STXBP5: variants seen among roughly 807,000 people sequenced by gnomAD.
STXBP5 encodes syntaxin-binding protein 5.
A neutral mutation model predicts 152.4 loss-of-function variants in STXBP5; 50 were observed. The ratio of observed to expected loss-of-function variants is 0.33; its 90% CI spans 0.26 to 0.42. The LOEUF is 0.42. Among genes scored for constraint, STXBP5 ranks in the 10% least tolerant of loss-of-function variants. The probability of loss-of-function intolerance (pLI) is 1.00; values close to 1 mark genes in which losing one functional copy is unlikely to be tolerated. For missense variants in STXBP5, 1,167 were observed against 1,388.6 expected (o/e 0.84, Z 2.54); for synonymous variants, 492 against 494.7 (o/e 0.99, Z 0.07).
At chr6:147,315,131 A>G (rs1203060619) in intron 14 of STXBP5, among the ~76,000 whole-genome samples, 3 of 152,166 alleles carry the variant, frequency 2.0e-5, no homozygotes, top group African/African-American at 4.8e-5. Context: ...TCATGTAGGA[A>G]TGTTTAATTA....
intron 7 of STXBP5, among the ~76,000 whole-genome samples, chr6:147,273,655 T>TAA (rs200986120): frequency 6.6e-6 from 1 of 151,852 alleles, no homozygotes; most frequent in African/African-American, 2.4e-5. Context: ...AGAAGCCTTT[T>TAA]AAAAAAAACG....
At chr6:147,267,926 C>G (rs1431470943) in intron 7 of STXBP5, among the ~76,000 whole-genome samples, 2 of 152,128 alleles carry the variant, frequency 1.3e-5, no homozygotes, top group Non-Finnish European at 2.9e-5. Context: ...CTTTCCTTCT[C>G]TACTTATTAT....
chr6:147,328,215 T>G (rs1783372217), intron 18 of STXBP5, among the ~76,000 whole-genome samples: 1 of 152,248 alleles, frequency 6.6e-6, no homozygotes, highest in African/African-American at 2.4e-5. Flanking sequence ...ATTTGATATA[T>G]GGCACACAGG....
At chr6:147,258,208 T>C (rs770125069) in intron 4 of STXBP5, among the ~76,000 whole-genome samples, 3 of 152,212 alleles carry the variant, frequency 2.0e-5, no homozygotes, top group Non-Finnish European at 4.4e-5. Flanking sequence ...ATCTGAAATC[T>C]TCTACGTTTG....
Position 147,204,501 on chromosome 6 carries a change from CTCCCGG to C in STXBP5, c.-31_-26del, listed in dbSNP as rs764358492. 1.3e-4 allele frequency: 206 copies of C among 1,607,970 alleles called. No individual in the cohort carries two copies. In the African/African-American group the frequency reaches 2.5e-3, roughly 20 times the overall value. The stretch of plus-strand genomic sequence containing the variant: ...CGCCCGGGGACCCCCTGTGCCTCCC[CTCCCGG>C]GCTGCGGGGGAGCCCCTCCGAGACC... On this transcript the variant is annotated 5_prime_UTR_variant, in exon 1 of 28. Transcript: ENST00000321680. The surrounding 1 kb of genome is among the most constrained non-coding windows in gnomAD (Gnocchi z 4.3).
chr6:147,328,101 T>G (rs1783363084), intron 18 of STXBP5, among the ~76,000 whole-genome samples: 1 of 152,240 alleles, frequency 6.6e-6, no homozygotes, highest in African/African-American at 2.4e-5. Flanking sequence ...AGTCTTAATT[T>G]TAAATGTTCT....
chr6:147,250,738 A>G (rs1196899221), intron 4 of STXBP5, among the ~76,000 whole-genome samples: 3 of 152,148 alleles, frequency 2.0e-5, no homozygotes, highest in Non-Finnish European at 2.9e-5. Context: ...TGTTGGATGT[A>G]TCATGACAGT....
At chr6:147,310,032 A>G in intron 9 of STXBP5, 52 bp from the exon 10 acceptor site, 2 of 1,276,104 alleles carry the variant, frequency 1.6e-6, no homozygotes, top group South Asian at 2.1e-5. Flanking sequence ...ATGTAGCAAG[A>G]AAATTATCTT....
At chr6:147,369,830 TGG>T (rs1191876489) in intron 25 of STXBP5, among the ~76,000 whole-genome samples, 1 of 152,044 alleles carries the variant, frequency 6.6e-6, no homozygotes, top group African/African-American at 2.4e-5. Context: ...ACAATGCTGA[TGG>T]GAATGTAAAA....
Position 147,210,375 on chromosome 6 carries a change from T to C in STXBP5, c.248+4307T>C, listed in dbSNP as rs9485152. On this transcript the variant is annotated intron_variant, in intron 2 of 27. Coordinates refer to ENST00000321680, the MANE Select transcript of STXBP5 (RefSeq NM_001127715.4). The stretch of plus-strand genomic sequence containing the variant: ...CTTATTTTAGTGTGAGAATTTGATA[T>C]ACTTTCACTGTTTTGTTTTGGTTTT... 7.5e-3 allele frequency among the ~76,000 whole-genome samples: 1,147 copies of C among 152,338 alleles called. 16 individuals are homozygous for C. Among genetic ancestry groups the C allele is most frequent in the African/African-American group, 0.025 (1,052 of 41,574 alleles).
chr6:147,369,892 A>G lies in STXBP5; in HGVS notation c.3082-3839A>G, dbSNP rs536625236. ...TTCTGGAGTTTTCTAAAAAGTTAAC[A>G]TTCATGAACCAAAGACCCAGCCACT... On this transcript the variant is annotated intron_variant, in intron 25 of 27. Transcript: ENST00000321680. Among the ~76,000 whole-genome samples, 119 of 152,162 alleles carry G rather than the reference A, an allele frequency of 7.8e-4. 1 individual carries two copies. The highest frequency in any genetic ancestry group is 1.5e-3 in the Non-Finnish European group (103 of 67,900).
At chr6:147,326,452 T>TC (rs1783262357) in intron 17 of STXBP5, among the ~76,000 whole-genome samples, 1 of 152,190 alleles carries the variant, frequency 6.6e-6, no homozygotes, top group Admixed American at 6.5e-5. Flanking sequence ...CATGGCAGCT[T>TC]CATCTGGAAC....
At chr6:147,320,042 A>G (rs1235336994) in intron 16 of STXBP5, among the ~76,000 whole-genome samples, 1 of 151,742 alleles carries the variant, frequency 6.6e-6, no homozygotes, top group African/African-American at 2.4e-5. Flanking sequence ...GGTTTTCGGC[A>G]TGTTACCCAG....
chr6:147,220,835 A>T (rs903225628), intron 2 of STXBP5, among the ~76,000 whole-genome samples: 1 of 152,120 alleles, frequency 6.6e-6, no homozygotes, highest in Non-Finnish European at 1.5e-5. Flanking sequence ...CTGTCTTTTA[A>T]TTGGTGCATT....
At chr6:147,266,954 C>T (rs1040850039) in intron 6 of STXBP5, 130 bp from the exon 7 acceptor site, 53 of 740,956 alleles carry the variant, frequency 7.2e-5, no homozygotes, top group Non-Finnish European at 8.9e-5. Context: ...ATTAGCAATG[C>T]AGATGTTTGT....
intron 22 of STXBP5, among the ~76,000 whole-genome samples, chr6:147,354,786 A>G (rs1784743476): frequency 1.3e-5 from 2 of 152,210 alleles, no homozygotes; most frequent in Admixed American, 1.3e-4. Flanking sequence ...TTCATGGTTT[A>G]GCTAGCATGC....
intron 4 of STXBP5, among the ~76,000 whole-genome samples, chr6:147,241,019 T>C (rs1327936290): frequency 1.3e-5 from 2 of 152,250 alleles, no homozygotes; most frequent in Non-Finnish European, 2.9e-5. Context: ...TCTGTCTCTC[T>C]ATTTCTAACT....
At chr6:147,336,177 A>G (rs963496958) in intron 19 of STXBP5, among the ~76,000 whole-genome samples, 1 of 152,220 alleles carries the variant, frequency 6.6e-6, no homozygotes, top group Non-Finnish European at 1.5e-5. Context: ...AATAGGGAAT[A>G]GTTGTTTCAG....
At chr6:147,291,504 T>G (rs938766509) in intron 9 of STXBP5, among the ~76,000 whole-genome samples, 1 of 152,130 alleles carries the variant, frequency 6.6e-6, no homozygotes, top group African/African-American at 2.4e-5. Context: ...GAAAAAAAGA[T>G]TTAAAATTTA....
Sources: gnomAD v4.1 joint callset for allele counts (sites outside exome capture counted in the v4.1 genomes callset) on GRCh38, gnomAD v4.1.1 for gene constraint, Gnocchi (gnomAD v3.1) non-coding constraint, MANE v1.5 for transcripts, NCBI Gene and HGNC (gene_info 2026-07-23, HGNC 2026-07-21) for gene names.